Variants in PDLIM2 observed in about 807,000 individuals in gnomAD.
PDLIM2 encodes the protein PDZ and LIM domain 2, also known as PDZ and LIM domain protein 2.
In PDLIM2, 51 loss-of-function variants were observed where a neutral mutation model predicts 54.1. That is an observed-to-expected ratio of 0.94 (90% CI 0.75 to 1.19). The LOEUF (loss-of-function observed/expected upper bound fraction) is 1.19. Ranked by LOEUF, PDLIM2 falls within the 50% of genes most tolerant of loss-of-function variation. PDLIM2 has a pLI of 0.00. For synonymous variants in PDLIM2, 398 were observed against 385.6 expected (o/e 1.03, Z -0.38); for missense variants, 912 against 874.0 (o/e 1.04, Z -0.55).
intron 8 of PDLIM2, chr8:22,590,607 G>A (rs73672771): frequency 0.027 from 4,111 of 152,460 alleles, 195 homozygotes; most frequent in African/African-American, 0.093. Flanking sequence ...TAGGAGAGTG[G>A]CCAGAGAGGC....
downstream of PDLIM2, chr8:22,594,742 A>T: frequency 6.7e-7 from 1 of 1,500,728 alleles, no homozygotes; most frequent in Non-Finnish European, 8.9e-7. Flanking sequence ...CTTTCCTGGG[A>T]GAGACTGCTG....
At chr8:22,578,854 C>T (rs1800106743) in exon 1 of PDLIM2, 1 of 1,234,614 alleles carries the variant, frequency 8.1e-7, no homozygotes, top group African/African-American at 1.5e-5. Flanking sequence ...CGAAGTGGGG[C>T]GCGGGGCAGT....
At chr8:22,586,842 A>G (rs1447612164) in intron 6 of PDLIM2, among the ~76,000 whole-genome samples, 1 of 152,112 alleles carries the variant, frequency 6.6e-6, no homozygotes, top group Admixed American at 6.5e-5. Flanking sequence ...ACACCTGAGA[A>G]CTTGTTGGAA....
chr8:22,579,644 A>G, intron 1 of PDLIM2: 3 of 1,184,198 alleles, frequency 2.5e-6, no homozygotes, highest in Non-Finnish European at 3.3e-6. Context: ...GAGCGGACAG[A>G]CCGCTGGTGC....
At chr8:22,582,933 C>T (rs1416658329) in intron 3 of PDLIM2, among the ~76,000 whole-genome samples, 44 of 135,436 alleles carry the variant, frequency 3.2e-4, no homozygotes, top group Non-Finnish European at 5.6e-4. Flanking sequence ...CCCCATCTCC[C>T]GCCTCCTACC....
At position 22,583,933 on chromosome 8, in the gene PDLIM2, T is replaced by C. The variant is rs1586921350; in HGVS notation, c.996-888T>C. Among the ~76,000 whole-genome samples, 3 of 151,704 alleles carry C rather than the reference T, an allele frequency of 2.0e-5. No homozygotes were observed. In the East Asian group the frequency reaches 5.8e-4, roughly 29 times the overall value. On this transcript the variant is annotated intron_variant, in intron 3 of 9. Coordinates refer to ENST00000308354, the Ensembl canonical transcript of PDLIM2. The stretch of plus-strand genomic sequence containing the variant: ...CTAATAAAACTGAATGTTTGAACTT[T>C]CTGATGAAGTTATGTACGTTCTACT...
intron 7 of PDLIM2, 69 bp from the exon 7 acceptor site, chr8:22,589,527 C>T (rs763684608): frequency 3.0e-6 from 4 of 1,314,066 alleles, no homozygotes; most frequent in South Asian, 2.5e-5. Context: ...TCTTCTCCTG[C>T]CCCCCACCCC....
exon 3 of PDLIM2, chr8:22,581,451 A>G (rs1244446634): frequency 1.2e-6 from 2 of 1,608,180 alleles, no homozygotes; most frequent in Non-Finnish European, 8.5e-7. Flanking sequence ...CAACGGGGAA[A>G]GCGCGGAGGG....
At chr8:22,580,976 T>A (rs1455156208) in intron 2 of PDLIM2, 2 of 664,018 alleles carry the variant, frequency 3.0e-6, no homozygotes, top group Non-Finnish European at 5.7e-6. Context: ...CCATTTGGGG[T>A]GATTACTAGA....
chr8:22,594,575 T>C (rs1168075061), downstream of PDLIM2: 1 of 1,613,744 alleles, frequency 6.2e-7, no homozygotes, highest in East Asian at 2.2e-5. Context: ...ACTGGAAGCT[T>C]TGGAGGGGAT....
chr8:22,589,418 T>TG (rs1800470228), intron 7 of PDLIM2, 44 bp downstream of exon 6: 3 of 1,534,562 alleles, frequency 2.0e-6, no homozygotes, highest in African/African-American at 1.4e-5. Flanking sequence ...CTTGGAAGGC[T>TG]GGGAGGGGCA....
intron 6 of PDLIM2, among the ~76,000 whole-genome samples, chr8:22,586,950 G>A (rs368567762): frequency 1.1e-3 from 172 of 152,252 alleles, no homozygotes; most frequent in Non-Finnish European, 2.0e-3. Context: ...CACTTGGGTC[G>A]GTCCCACCTC....
At chr8:22,594,763 T>C (rs1800647315), downstream of PDLIM2, 7 of 1,442,092 alleles carry the variant, frequency 4.9e-6, no homozygotes, top group Non-Finnish European at 6.4e-6. Flanking sequence ...GCTTCATTGG[T>C]GATTGATTTG....
intron 8 of PDLIM2, 174 bp downstream of exon 7, chr8:22,589,915 G>C (rs1800494842): frequency 2.8e-6 from 1 of 362,054 alleles, no homozygotes; most frequent in African/African-American, 2.7e-5. Context: ...GGAGCTGACG[G>C]TCCGGGAGGG....
chr8:22,594,001 T>C, exon 10 of PDLIM2: 1 of 1,478,498 alleles, frequency 6.8e-7, no homozygotes, highest in Non-Finnish European at 9.0e-7. Context: ...CAGTTGCTCT[T>C]ACATGAGCTA....
chr8:22,589,651 A>T lies in PDLIM2; in HGVS notation c.1423A>T (p.Met475Leu). The T allele has an allele frequency of 2.5e-6, 4 of 1,592,064 alleles. No homozygotes were observed. In the South Asian group the frequency reaches 4.6e-5, roughly 18 times the overall value. The change falls in exon 8 of 10, where the codon ATG (methionine) becomes TTG (leucine). Residue 475 changes from methionine (M) to leucine (L), a missense_variant. Coordinates refer to ENST00000308354, the Ensembl canonical transcript of PDLIM2. ...GGACGAGGACTCGGAAGTCTTCAAG[A>T]TGCTGCAGGAAAATCGCGAGGGACG...
At chr8:22,589,487 A>G in intron 7 of PDLIM2, 109 bp from the exon 7 acceptor site, 1 of 1,521,138 alleles carries the variant, frequency 6.6e-7, no homozygotes, top group East Asian at 2.5e-5. Flanking sequence ...TGGCTCCTCC[A>G]CCTCCCAGAT....
exon 1 of PDLIM2, chr8:22,579,250 C>T: frequency 7.4e-7 from 1 of 1,357,448 alleles, no homozygotes; most frequent in Non-Finnish European, 9.4e-7. Flanking sequence ...TGCGCCTCTC[C>T]GCGCGGCCCG....
chr8:22,579,012 G>T, exon 1 of PDLIM2: 1 of 1,244,532 alleles, frequency 8.0e-7, no homozygotes, highest in Non-Finnish European at 1.0e-6. Flanking sequence ...GGGCCAGGTG[G>T]CAGCGCCTGG....
Sources: gnomAD v4.1 joint callset for allele counts (sites outside exome capture counted in the v4.1 genomes callset) on GRCh38, gnomAD v4.1.1 for gene constraint, MANE v1.5 for transcripts, NCBI Gene and HGNC (gene_info 2026-07-23, HGNC 2026-07-21) for gene names.